The following LSM14A variants were observed in gnomAD, a reference collection of about 807,000 sequenced individuals.
The protein encoded by LSM14A is protein LSM14 homolog A.
LSM14A carries 14 observed loss-of-function variants against 52.4 expected under a neutral mutation model. The observed-to-expected ratio is 0.27, with a 90% confidence interval of 0.18 to 0.42. The LOEUF is 0.42. LSM14A is among the 10% of genes least tolerant of loss of function. The pLI is 1.00. For synonymous variants in LSM14A, 185 were observed against 200.3 expected, an observed-to-expected ratio of 0.92 and a Z score of 0.64; for missense variants, 417 against 581.8, an observed-to-expected ratio of 0.72 and a Z score of 2.91.
chr19:34,190,817 C>CT (rs1176363780), intron 1 of LSM14A, among the ~76,000 whole-genome samples: 1 of 151,930 alleles, frequency 6.6e-6, no homozygotes, highest in East Asian at 1.9e-4. Context: ...TTAGATAACA[C>CT]TTTTTTTGAG....
chr19:34,192,316 G>GTTTTTTTTTTGTTTTTTTT lies in LSM14A; in HGVS notation c.122-2160_122-2159insTTTTTTTTGTTTTTTTTTT, dbSNP rs1306000214. ...TTTACACTGAAATAACATTCTTTTT[G>GTTTTTTTTTTGTTTTTTTT]TTGTTTTTTTTTTTTTTTTTTTTTT... On this transcript the variant is annotated intron_variant, in intron 1 of 9. Coordinates refer to ENST00000544216, the MANE Select transcript of LSM14A (RefSeq NM_015578.4). Among the ~76,000 whole-genome samples the GTTTTTTTTTTGTTTTTTTT allele has an allele frequency of 9.1e-5, 6 of 65,782 alleles. 1 individual carries two copies. Among genetic ancestry groups the GTTTTTTTTTTGTTTTTTTT allele is most frequent in the Non-Finnish European group, 1.4e-4 (5 of 34,552 alleles). 43.2% of individuals were successfully genotyped at this position (65,782 alleles called of 152,430 possible). A position where few individuals can be genotyped will look rare whatever the true frequency, so the allele number is the denominator to read the frequency against.
At chr19:34,209,524 C>G (rs2145781185) in intron 4 of LSM14A, among the ~76,000 whole-genome samples, 1 of 152,238 alleles carries the variant, frequency 6.6e-6, no homozygotes, top group South Asian at 2.1e-4. Context: ...AATTTAAATC[C>G]TGAGACTTAT....
At chr19:34,175,862 TTTG>T (rs1295608435) in intron 1 of LSM14A, among the ~76,000 whole-genome samples, 1 of 152,044 alleles carries the variant, frequency 6.6e-6, no homozygotes, top group African/African-American at 2.4e-5. Context: ...TTCGTTTTTT[TTTG>T]TTGTTGTTTT....
In LSM14A at chr19:34,226,375, CTTTTTTTTTTTTTT is replaced by C. The variant is rs528137318; in HGVS notation, c.1369-980_1369-967del. ...CCCTCTCCTGTCCCCATCTCTTTCT[CTTTTTTTTTTTTTT>C]TTTTTTTTTACCTTTCAGAAAACCA... On this transcript the variant is annotated intron_variant, in intron 9 of 9. Transcript: ENST00000544216. 4.1e-3 allele frequency: 4,885 copies of C among 1,195,934 alleles called. 18 individuals are homozygous for C. Among genetic ancestry groups the C allele is most frequent in the Non-Finnish European group, 4.9e-3 (4,492 of 915,670 alleles). The allele number at this position is 1,195,934 out of a possible 1,614,324, so 74.1% of individuals were successfully genotyped here.
intron 3 of LSM14A, among the ~76,000 whole-genome samples, chr19:34,205,653 G>T (rs970261836): frequency 2.6e-5 from 4 of 151,944 alleles, no homozygotes; most frequent in African/African-American, 9.7e-5. Context: ...CTGCCTTCTA[G>T]CCTGGGTGAC....
chr19:34,177,744 A>G (rs1335964062), intron 1 of LSM14A, among the ~76,000 whole-genome samples: 1 of 152,158 alleles, frequency 6.6e-6, no homozygotes, highest in Non-Finnish European at 1.5e-5. Flanking sequence ...TAAAAAGTGC[A>G]TTAGCCAAGC....
chr19:34,184,666 T>G (rs2069754114), intron 1 of LSM14A, among the ~76,000 whole-genome samples: 1 of 152,242 alleles, frequency 6.6e-6, no homozygotes. Flanking sequence ...AGTTAAAAGT[T>G]TTAACATATC....
rs185050606 is a variant in LSM14A at position 34,227,488 on chromosome 19, A to G, written c.*100A>G. 1.5e-5 allele frequency: 13 copies of G among 895,064 alleles called. No homozygotes were observed. The African/African-American group carries it at 2.3e-4, about 16-fold the overall frequency. The allele number at this position is 895,064 out of a possible 1,614,324, so 55.4% of individuals were successfully genotyped here. ...AAGAATGAAGAAGTGAATTCGCTGTACATTTGTCACCAGCACTGGGTTTTT... is the reference window on the plus strand; with the variant it reads ...AAGAATGAAGAAGTGAATTCGCTGTGCATTTGTCACCAGCACTGGGTTTTT... On this transcript the variant is annotated 3_prime_UTR_variant, in exon 10 of 10. Coordinates refer to ENST00000544216, the MANE Select transcript of LSM14A (RefSeq NM_015578.4).
At chr19:34,173,705 A>G (rs2068878130) in intron 1 of LSM14A, among the ~76,000 whole-genome samples, 2 of 152,208 alleles carry the variant, frequency 1.3e-5, no homozygotes, top group African/African-American at 4.8e-5. Context: ...AAATCTCACA[A>G]CAGTGTAAAA....
chr19:34,195,808 T>C (rs2070792377), intron 2 of LSM14A, among the ~76,000 whole-genome samples: 1 of 152,198 alleles, frequency 6.6e-6, no homozygotes, highest in African/African-American at 2.4e-5. Context: ...GTTATTTGAG[T>C]AATCGGTTTT....
At chr19:34,203,277 C>A (rs1459284654) in intron 3 of LSM14A, among the ~76,000 whole-genome samples, 1 of 152,174 alleles carries the variant, frequency 6.6e-6, no homozygotes, top group Non-Finnish European at 1.5e-5. Context: ...GTCTCATAAT[C>A]TTATGTGCCA....
chr19:34,217,769 A>G (rs1379203896), intron 6 of LSM14A, among the ~76,000 whole-genome samples: 3 of 150,512 alleles, frequency 2.0e-5, no homozygotes, highest in Non-Finnish European at 4.4e-5. Flanking sequence ...AGCTGGGACT[A>G]CATATGCCAT....
intron 1 of LSM14A, among the ~76,000 whole-genome samples, chr19:34,174,942 C>CT (rs1218145856): frequency 6.6e-6 from 1 of 151,954 alleles, no homozygotes; most frequent in African/African-American, 2.4e-5. Context: ...TATTTTTGTT[C>CT]TTTTTTAAAA....
intron 1 of LSM14A, among the ~76,000 whole-genome samples, chr19:34,192,921 G>A (rs1404466333): frequency 6.6e-6 from 1 of 151,936 alleles, no homozygotes; most frequent in Admixed American, 6.6e-5. Context: ...AGAGGTTACA[G>A]TGAGCCAAGA....
At chr19:34,210,662 G>A (rs528740023) in intron 4 of LSM14A, among the ~76,000 whole-genome samples, 1 of 152,158 alleles carries the variant, frequency 6.6e-6, no homozygotes, top group Non-Finnish European at 1.5e-5. Flanking sequence ...ATGCAGTGGT[G>A]TGATCATGGC....
At chr19:34,213,288 T>C (rs937968184) in intron 4 of LSM14A, among the ~76,000 whole-genome samples, 8 of 152,212 alleles carry the variant, frequency 5.3e-5, no homozygotes, top group Non-Finnish European at 1.0e-4. Context: ...AGTGGTAACT[T>C]AATTTTGAAA....
chr19:34,213,050 C>A (rs138308713), intron 4 of LSM14A, among the ~76,000 whole-genome samples: 363 of 152,184 alleles, frequency 2.4e-3, no homozygotes, highest in African/African-American at 8.6e-3. Flanking sequence ...ACTCAAGAGG[C>A]TGAGGCAGGA....
At position 34,192,632 on chromosome 19, in the gene LSM14A, C is replaced by CAAACAAA. The variant is rs2070516901; in HGVS notation, c.122-1843_122-1842insCAAAAAA. 3.9e-5 allele frequency among the ~76,000 whole-genome samples: 3 copies of CAAACAAA among 76,952 alleles called. 1 individual carries two copies. The highest frequency in any genetic ancestry group is 5.0e-5 in the African/African-American group (1 of 20,200). The allele number at this position is 76,952 out of a possible 152,430, so 50.5% of individuals were successfully genotyped here. A position where few individuals can be genotyped will look rare whatever the true frequency, so the allele number is the denominator to read the frequency against. On this transcript the variant is annotated intron_variant, in intron 1 of 9. Transcript: ENST00000544216. ...GGCATGAGGCGCTGCATCAGTTCTG[C>CAAACAAA]AAAAAAAAAAAAAAAAAAAAAAAAA...
intron 1 of LSM14A, among the ~76,000 whole-genome samples, chr19:34,181,226 A>G (rs1203919594): frequency 1.3e-5 from 2 of 152,184 alleles, no homozygotes; most frequent in African/African-American, 2.4e-5. Context: ...TTCCTTCCCT[A>G]ACGTATCTTT....
Sources: gnomAD v4.1 joint callset for allele counts (sites outside exome capture counted in the v4.1 genomes callset) on GRCh38, gnomAD v4.1.1 for gene constraint, MANE v1.5 for transcripts, NCBI Gene and HGNC (gene_info 2026-07-23, HGNC 2026-07-21) for gene names.